The following PALLD variants were observed in gnomAD, a reference collection of about 807,000 sequenced individuals.
PALLD encodes the protein palladin, cytoskeletal associated protein, also known as palladin.
In PALLD, 61 loss-of-function variants were observed where a neutral mutation model predicts 123.5. The observed-to-expected ratio is 0.49, with a 90% confidence interval of 0.40 to 0.61. The LOEUF is 0.61. Among genes scored for constraint, PALLD ranks in the 20% least tolerant of loss-of-function variants. PALLD has a pLI of 0.00. For synonymous variants in PALLD, 465 were observed against 496.4 expected, an observed-to-expected ratio of 0.94 and a Z score of 0.84; for missense variants, 1,273 against 1,377.0, an observed-to-expected ratio of 0.92 and a Z score of 1.20.
chr4:168,766,564 G>A (rs181995230), intron 10 of PALLD, among the ~76,000 whole-genome samples: 1 of 152,312 alleles, frequency 6.6e-6, no homozygotes, highest in East Asian at 1.9e-4. Flanking sequence ...ATGCAGAGAC[G>A]GAGAGCCTGT....
intron 10 of PALLD, among the ~76,000 whole-genome samples, chr4:168,725,947 G>A (rs1387530217): frequency 1.3e-5 from 2 of 152,170 alleles, no homozygotes; most frequent in Admixed American, 6.6e-5. Flanking sequence ...CTGTTTTTAT[G>A]TGCCTTCCCT....
At chr4:168,657,299 G>A (rs1181358422) in intron 2 of PALLD, among the ~76,000 whole-genome samples, 1 of 152,216 alleles carries the variant, frequency 6.6e-6, no homozygotes, top group East Asian at 1.9e-4. Flanking sequence ...TTAACCCAGT[G>A]CTTGGTAAAC....
intron 10 of PALLD, among the ~76,000 whole-genome samples, chr4:168,865,045 A>C (rs1321363927): frequency 6.6e-6 from 1 of 152,218 alleles, no homozygotes; most frequent in Non-Finnish European, 1.5e-5. Flanking sequence ...GTCATTTCTC[A>C]GGGAGGGAGC....
intron 2 of PALLD, among the ~76,000 whole-genome samples, chr4:168,565,023 C>CA (rs761594759): frequency 0.14 from 16,247 of 115,928 alleles, 1,191 homozygotes; most frequent in East Asian, 0.35. Context: ...CCATCTCTAC[C>CA]AAAAAAAAAA....
chr4:168,872,181 G>A (rs891757305), intron 10 of PALLD, among the ~76,000 whole-genome samples: 13 of 152,054 alleles, frequency 8.5e-5, no homozygotes, highest in South Asian at 6.2e-4. Flanking sequence ...TCTCTCTATC[G>A]GTACGTGGAA....
chr4:168,854,139 ACT>A (rs1748222681), intron 10 of PALLD, among the ~76,000 whole-genome samples: 1 of 150,700 alleles, frequency 6.6e-6, no homozygotes, highest in African/African-American at 2.4e-5. Flanking sequence ...GTTTGCTACT[ACT>A]GCCTCTGTTT....
intron 4 of PALLD, 146 bp downstream of exon 4, chr4:168,681,544 T>TTTTTTTTTTTTTTTTA (rs1781550659): frequency 2.6e-6 from 1 of 388,832 alleles, no homozygotes; most frequent in Non-Finnish European, 4.6e-6. Flanking sequence ...AACACAATTT[T>TTTTTTTTTTTTTTTTA]TTTTTTTTTT....
At chr4:168,724,570 A>G (rs555546544) in intron 10 of PALLD, among the ~76,000 whole-genome samples, 102 of 152,246 alleles carry the variant, frequency 6.7e-4, no homozygotes, top group Non-Finnish European at 1.2e-3. Flanking sequence ...TGTGACAAGG[A>G]ATTAGATAGT....
At chr4:168,644,646 A>G (rs1777267073) in intron 2 of PALLD, among the ~76,000 whole-genome samples, 1 of 152,134 alleles carries the variant, frequency 6.6e-6, no homozygotes. Context: ...AGGACACAGC[A>G]ATGGAAGCCC....
chr4:168,595,723 G>A lies in PALLD; in HGVS notation c.909-72467G>A, dbSNP rs750853613. 8.5e-4 allele frequency among the ~76,000 whole-genome samples: 129 copies of A among 152,142 alleles called. No homozygotes were observed. The Middle Eastern group carries it at 0.017, about 20-fold the overall frequency. ...TATGAATTCAGTCGTGAGAGTGCAG[G>A]ACCTAAGAAACCTAAAAATAAAAAT... On this transcript the variant is annotated intron_variant, in intron 2 of 21. Coordinates refer to ENST00000505667, the MANE Select transcript of PALLD (RefSeq NM_001166108.2).
chr4:168,760,032 C>G (rs966852240), intron 10 of PALLD, among the ~76,000 whole-genome samples: 3 of 149,652 alleles, frequency 2.0e-5, no homozygotes, highest in Admixed American at 6.7e-5. Flanking sequence ...CCAGCCTGGG[C>G]GACAGAGACT....
chr4:168,598,403 T>G (rs1282693305), intron 2 of PALLD: 2 of 626,954 alleles, frequency 3.2e-6, no homozygotes, highest in Admixed American at 1.9e-5. Context: ...AGCACCAAGC[T>G]GACTTAATAT....
At chr4:168,629,848 A>C (rs756111252) in intron 2 of PALLD, among the ~76,000 whole-genome samples, 3 of 152,222 alleles carry the variant, frequency 2.0e-5, no homozygotes, top group Non-Finnish European at 4.4e-5. Flanking sequence ...CTTGTGTGGA[A>C]GAACAGCAGA....
At chr4:168,895,381 C>CAA (rs1754895589) in intron 12 of PALLD, among the ~76,000 whole-genome samples, 1 of 152,042 alleles carries the variant, frequency 6.6e-6, no homozygotes, top group Non-Finnish European at 1.5e-5. Flanking sequence ...ACTTCGTCTC[C>CAA]AAAACAAAAC....
intron 10 of PALLD, among the ~76,000 whole-genome samples, chr4:168,774,727 C>CAAAA (rs56364164): frequency 2.7e-5 from 2 of 73,224 alleles, no homozygotes; most frequent in Admixed American, 1.9e-4. Context: ...GACTGCATCT[C>CAAAA]AAAAAAAAAA....
At position 168,511,682 on chromosome 4, in the gene PALLD, T is replaced by G. The variant is rs1762543146; in HGVS notation, c.178T>G (p.Ser60Ala). The G allele has an allele frequency of 6.2e-7, 1 of 1,613,952 alleles. No homozygotes were observed. Among genetic ancestry groups the G allele is most frequent in the South Asian group, 1.1e-5 (1 of 91,076 alleles). Residue 60 changes from serine (S) to alanine (A), a missense_variant, in exon 2 of 22, where the codon TCG becomes GCG. Ser to Ala is a moderately conservative substitution (Grantham distance 99, BLOSUM62 1). Coordinates refer to ENST00000505667, the MANE Select transcript of PALLD (RefSeq NM_001166108.2). ...CGACTCCGAAACAGAAGATTTTGACTCGGAAAAGGAGATCTCGCAGATTTT... is the reference window on the plus strand; with the variant it reads ...CGACTCCGAAACAGAAGATTTTGACGCGGAAAAGGAGATCTCGCAGATTTT... Reference protein sequence around the residue: ...IADSETEDFDSEKEISQIFST... With the variant: ...IADSETEDFDAEKEISQIFST...
At chr4:168,798,777 G>A (rs532138503) in intron 10 of PALLD, among the ~76,000 whole-genome samples, 1 of 152,040 alleles carries the variant, frequency 6.6e-6, no homozygotes, top group Admixed American at 6.6e-5. Flanking sequence ...TGACTCATTT[G>A]CTATAATACT....
intron 2 of PALLD, among the ~76,000 whole-genome samples, chr4:168,611,168 G>T (rs12650216): frequency 0.15 from 23,269 of 152,040 alleles, 2,171 homozygotes; most frequent in East Asian, 0.48. Flanking sequence ...TTGTTTTCTG[G>T]TTCTGGGGTC....
chr4:168,807,085 T>G (rs6854137), intron 10 of PALLD, among the ~76,000 whole-genome samples: 77,050 of 151,828 alleles, frequency 0.51, 20,140 homozygotes, highest in Non-Finnish European at 0.57. Flanking sequence ...AGAAACAAAA[T>G]AAGTAAGATA....
Sources: gnomAD v4.1 joint callset for allele counts (sites outside exome capture counted in the v4.1 genomes callset) on GRCh38, gnomAD v4.1.1 for gene constraint, MANE v1.5 for transcripts, NCBI Gene and HGNC (gene_info 2026-07-23, HGNC 2026-07-21) for gene names.